CPEB3: variants seen among roughly 807,000 people sequenced by gnomAD.
CPEB3 encodes the protein cytoplasmic polyadenylation element-binding protein 3.
CPEB3 carries 20 observed loss-of-function variants against 67.2 expected under a neutral mutation model. The observed-to-expected ratio is 0.30, with a 90% confidence interval of 0.21 to 0.43. The LOEUF is 0.43. CPEB3 is among the 20% of genes least tolerant of loss of function. The probability of loss-of-function intolerance (pLI) is 1.00; values close to 1 mark genes in which losing one functional copy is unlikely to be tolerated. For missense variants in CPEB3, 746 were observed against 968.6 expected, an observed-to-expected ratio of 0.77 and a Z score of 3.05; for synonymous variants, 376 against 393.1, an observed-to-expected ratio of 0.96 and a Z score of 0.51.
At chr10:92,144,501 A>G (rs1846587161) in intron 5 of CPEB3, among the ~76,000 whole-genome samples, 1 of 152,168 alleles carries the variant, frequency 6.6e-6, no homozygotes, top group South Asian at 2.1e-4. Flanking sequence ...CCTGGGCTCA[A>G]GTAATCCTCC....
intron 4 of CPEB3, among the ~76,000 whole-genome samples, chr10:92,180,430 C>G (rs986230546): frequency 1.6e-4 from 24 of 152,200 alleles, no homozygotes; most frequent in Non-Finnish European, 2.8e-4. Context: ...TCTCCCTTCA[C>G]CTACCTCCTT....
chr10:92,110,200 A>G (rs1216886261), intron 7 of CPEB3, among the ~76,000 whole-genome samples: 1 of 152,232 alleles, frequency 6.6e-6, no homozygotes, highest in African/African-American at 2.4e-5. Flanking sequence ...GCTGCTAAGT[A>G]GGCCCTACAT....
intron 6 of CPEB3, among the ~76,000 whole-genome samples, chr10:92,114,253 T>C (rs763550325): frequency 1.1e-4 from 17 of 152,212 alleles, no homozygotes; most frequent in Non-Finnish European, 2.4e-4. Flanking sequence ...AAACACCTTC[T>C]GATACTTCAA....
At chr10:92,167,220 C>T (rs1847786418) in intron 4 of CPEB3, among the ~76,000 whole-genome samples, 1 of 152,188 alleles carries the variant, frequency 6.6e-6, no homozygotes, top group Non-Finnish European at 1.5e-5. Context: ...GACTATTTCG[C>T]TTTCTTACCA....
Position 92,048,984 on chromosome 10 carries a change from C to T in CPEB3, c.*3228G>A, listed in dbSNP as rs745420772. 5.3e-5 allele frequency: 8 copies of T among 152,292 alleles called. No homozygotes were observed. The highest frequency in any genetic ancestry group is 2.1e-4 in the South Asian group (1 of 4,816). 9.4% of individuals were successfully genotyped at this position (152,292 alleles called of 1,614,324 possible). A position where few individuals can be genotyped will look rare whatever the true frequency, so the allele number is the denominator to read the frequency against. The stretch of plus-strand genomic sequence containing the variant: ...GAGAAAGCACTCCTTAAAGAAAATA[C>T]GAAATAAAATGAAAAATATGTAAAT... On this transcript the variant is annotated 3_prime_UTR_variant, in exon 10 of 10. Transcript: ENST00000265997. The surrounding 1 kb of genome is among the most constrained non-coding windows in gnomAD (Gnocchi z 4.1).
intron 2 of CPEB3, among the ~76,000 whole-genome samples, chr10:92,196,381 T>A (rs2134206018): frequency 6.6e-6 from 1 of 152,288 alleles, no homozygotes; most frequent in Admixed American, 6.5e-5. Flanking sequence ...GCACAGATTT[T>A]AAAATCAAAA....
At chr10:92,184,904 T>G (rs567716759) in intron 3 of CPEB3, among the ~76,000 whole-genome samples, 40 of 152,362 alleles carry the variant, frequency 2.6e-4, no homozygotes, top group Non-Finnish European at 4.3e-4. Flanking sequence ...GGAGTGTATA[T>G]GTGTAAAGGT....
At chr10:92,216,489 A>C (rs556715803) in intron 2 of CPEB3, 188 of 1,613,088 alleles carry the variant, frequency 1.2e-4, no homozygotes, top group Admixed American at 7.0e-4. Context: ...TGCATTAAGA[A>C]AGCGGTGAAG....
At chr10:92,105,106 A>G (rs893186216) in intron 7 of CPEB3, among the ~76,000 whole-genome samples, 1 of 152,166 alleles carries the variant, frequency 6.6e-6, no homozygotes, top group Non-Finnish European at 1.5e-5. Context: ...AAACAAATAA[A>G]TAAATCAAGA....
In CPEB3 at chr10:92,239,267, G is replaced by T; in HGVS notation, c.1005+79C>A. The T allele has an allele frequency of 6.8e-7, 1 of 1,460,408 alleles. No individual in the cohort carries two copies. Among genetic ancestry groups the T allele is most frequent in the Non-Finnish European group, 9.3e-7 (1 of 1,069,738 alleles). 90.5% of individuals were successfully genotyped at this position (1,460,408 alleles called of 1,614,324 possible). A position where few individuals can be genotyped will look rare whatever the true frequency, so the allele number is the denominator to read the frequency against. ...TTGCTGCCCTTTTTAAATATAAGCG[G>T]GTGGATGATTAAAAGTCAGAGAAGT... On this transcript the variant is annotated intron_variant, in intron 2 of 9. Transcript: ENST00000265997. This position sits in a 1 kb window ranked among gnomAD's most constrained non-coding sequence, Gnocchi z 6.0.
intron 6 of CPEB3, among the ~76,000 whole-genome samples, chr10:92,138,717 G>A (rs1846239679): frequency 6.6e-6 from 1 of 152,132 alleles, no homozygotes; most frequent in African/African-American, 2.4e-5. Context: ...GTGAGGATGT[G>A]GAGAAAAGGG....
intron 6 of CPEB3, among the ~76,000 whole-genome samples, chr10:92,130,471 T>TA (rs1845795081): frequency 6.6e-6 from 1 of 152,104 alleles, no homozygotes; most frequent in Admixed American, 6.6e-5. Context: ...ACCATTTCCT[T>TA]ACTTGTGGTC....
At chr10:92,220,391 G>A (rs1017117524) in intron 2 of CPEB3, among the ~76,000 whole-genome samples, 10 of 152,094 alleles carry the variant, frequency 6.6e-5, no homozygotes, top group Admixed American at 3.9e-4. Flanking sequence ...CTTAGATTGT[G>A]TTTCTGCAGC....
At chr10:92,096,226 A>G (rs1445442898) in intron 7 of CPEB3, among the ~76,000 whole-genome samples, 1 of 152,076 alleles carries the variant, frequency 6.6e-6, no homozygotes, top group African/African-American at 2.4e-5. Flanking sequence ...AAATTTTAAA[A>G]CTATAGTAGA....
chr10:92,119,247 G>A, intron 6 of CPEB3: 1 of 1,574,142 alleles, frequency 6.4e-7, no homozygotes, highest in Non-Finnish European at 8.7e-7. Flanking sequence ...CTCCAGCCTG[G>A]GAAAAGTTCT....
intron 1 of CPEB3, chr10:92,272,321 A>G (rs1853342556): frequency 6.6e-6 from 1 of 152,108 alleles, no homozygotes; most frequent in African/African-American, 2.4e-5. Context: ...CTGGCACTGC[A>G]GATGTTCCAG....
intron 1 of CPEB3, among the ~76,000 whole-genome samples, chr10:92,256,218 G>A (rs1852505287): frequency 6.6e-6 from 1 of 151,638 alleles, no homozygotes; most frequent in South Asian, 2.1e-4. Context: ...GTATAATACT[G>A]TACCTGAACT....
intron 7 of CPEB3, among the ~76,000 whole-genome samples, chr10:92,092,679 CTGAGGCAT>C (rs1843670161): frequency 1.3e-5 from 2 of 151,976 alleles, no homozygotes; most frequent in African/African-American, 4.8e-5. Context: ...ACTCAGGAGG[CTGAGGCAT>C]GAGAATCGCT....
chr10:92,227,742 C>A (rs1441322678), intron 2 of CPEB3, among the ~76,000 whole-genome samples: 1 of 152,056 alleles, frequency 6.6e-6, no homozygotes, highest in Non-Finnish European at 1.5e-5. Context: ...CAGGTGCCCG[C>A]TACCTCGCCC....
Sources: allele counts gnomAD v4.1 joint callset (sites outside exome capture counted in the v4.1 genomes callset), GRCh38; gene constraint gnomAD v4.1.1; non-coding constraint Gnocchi (gnomAD v3.1); transcripts MANE v1.5; gene names NCBI Gene and HGNC (gene_info 2026-07-23, HGNC 2026-07-21).